Variants in TNIK observed in about 807,000 individuals in gnomAD.
The protein encoded by TNIK is TRAF2 and NCK-interacting protein kinase.
TNIK carries 49 observed loss-of-function variants against 191.3 expected under a neutral mutation model. The ratio of observed to expected loss-of-function variants is 0.26; its 90% CI spans 0.20 to 0.32. The LOEUF is 0.32. Among genes scored for constraint, TNIK ranks in the 10% least tolerant of loss-of-function variants. TNIK has a pLI of 1.00. For missense variants in TNIK, 1,155 were observed against 1,702.3 expected (o/e 0.68, Z 5.66); for synonymous variants, 594 against 600.9 (o/e 0.99, Z 0.17).
In TNIK at chr3:171,060,730, G is replaced by T. The variant is rs1273899476; in HGVS notation, c.*3151C>A. On this transcript the variant is annotated 3_prime_UTR_variant, in exon 33 of 33. Coordinates refer to ENST00000436636, the MANE Select transcript of TNIK (RefSeq NM_015028.4). ...CTCATTATTTGAAGGAACTTCACTG[G>T]TCATCCATTCCTACCACCACTGGAT... 6.6e-6 allele frequency among the ~76,000 whole-genome samples: 1 copy of T among 152,102 alleles called. No individual in the cohort carries two copies. The highest frequency in any genetic ancestry group is 1.5e-5 in the Non-Finnish European group (1 of 68,026).
intron 17 of TNIK, 59 bp from the exon 18 acceptor site, chr3:171,123,761 C>T: frequency 7.6e-7 from 1 of 1,310,422 alleles, no homozygotes; most frequent in Non-Finnish European, 1.0e-6. Context: ...AGCCTGTTGT[C>T]AGAAAATCCT....
chr3:171,459,915 C>T, intron 1 of TNIK, 92 bp downstream of exon 1: 2 of 1,280,384 alleles, frequency 1.6e-6, no homozygotes, highest in Admixed American at 4.1e-5. Flanking sequence ...CGCTGCTGTC[C>T]CCCTGCCCCA....
rs753757935 is a variant in TNIK, at chr3:171,167,213, T to C, written c.831A>G (p.Arg277=). ...GCTTCATCAATTGTTCTGTTGCTGG[T>C]CGCTGGCTGTGATTCTTTACCAAGC... The part of the protein sequence containing the change: ...ESCLVKNHSQ[R]PATEQLMKHP... Residue 277 remains arginine (R), a synonymous_variant, in exon 10 of 33, where the codon CGA becomes CGG. Transcript: ENST00000436636. The C allele has an allele frequency of 1.2e-6, 2 of 1,614,024 alleles. No individual in the cohort carries two copies. Among genetic ancestry groups the C allele is most frequent in the Middle Eastern group, 1.6e-4 (1 of 6,062 alleles).
At chr3:171,294,538 C>T (rs986200164) in intron 2 of TNIK, among the ~76,000 whole-genome samples, 9 of 151,994 alleles carry the variant, frequency 5.9e-5, no homozygotes, top group East Asian at 3.9e-4. Context: ...CTGGCCTACA[C>T]GGTGAAACCC....
At chr3:171,381,919 C>T (rs774094450) in intron 1 of TNIK, among the ~76,000 whole-genome samples, 3 of 152,118 alleles carry the variant, frequency 2.0e-5, no homozygotes, top group East Asian at 3.8e-4. Context: ...ATTGTTATAG[C>T]GGAACAATAA....
intron 2 of TNIK, among the ~76,000 whole-genome samples, chr3:171,334,073 G>A (rs1039454329): frequency 6.6e-6 from 1 of 152,168 alleles, no homozygotes; most frequent in East Asian, 1.9e-4. Flanking sequence ...TCTGACTGAG[G>A]GGTGGGAAGT....
At chr3:171,454,165 A>G (rs915955543) in intron 1 of TNIK, among the ~76,000 whole-genome samples, 2 of 152,202 alleles carry the variant, frequency 1.3e-5, no homozygotes, top group Admixed American at 1.3e-4. Flanking sequence ...GTTACTCCAG[A>G]TTCTATCAGG....
At chr3:171,239,183 T>C (rs1744657562) in intron 2 of TNIK, among the ~76,000 whole-genome samples, 1 of 152,250 alleles carries the variant, frequency 6.6e-6, no homozygotes, top group Non-Finnish European at 1.5e-5. Context: ...GGTTTACTTA[T>C]AGTTTTAAGT....
chr3:171,434,288 C>T (rs1316006848), intron 1 of TNIK, among the ~76,000 whole-genome samples: 1 of 151,984 alleles, frequency 6.6e-6, no homozygotes, highest in Non-Finnish European at 1.5e-5. Flanking sequence ...TCTTGGCTCA[C>T]AAAAATACTA....
intron 9 of TNIK, 57 bp from the exon 10 acceptor site, chr3:171,167,327 T>C: frequency 3.8e-6 from 6 of 1,579,934 alleles, no homozygotes; most frequent in Non-Finnish European, 8.6e-7. Flanking sequence ...GAAAAGCAAA[T>C]GTGTAATTTC....
chr3:171,081,443 C>T (rs1182290604), intron 27 of TNIK, among the ~76,000 whole-genome samples: 1 of 150,554 alleles, frequency 6.6e-6, no homozygotes, highest in East Asian at 1.9e-4. Context: ...TATGAACGCT[C>T]CTGATGCCTA....
chr3:171,149,967 A>C (rs1304471514), intron 12 of TNIK, among the ~76,000 whole-genome samples: 1 of 152,224 alleles, frequency 6.6e-6, no homozygotes, highest in Non-Finnish European at 1.5e-5. Context: ...TTAACACTCC[A>C]GGCTCTGAGA....
At chr3:171,390,925 T>A (rs1300857609) in intron 1 of TNIK, among the ~76,000 whole-genome samples, 1 of 152,194 alleles carries the variant, frequency 6.6e-6, no homozygotes, top group East Asian at 1.9e-4. Flanking sequence ...ACACTGATCA[T>A]CTGAAAGGAC....
intron 1 of TNIK, among the ~76,000 whole-genome samples, chr3:171,372,550 G>A (rs1716649326): frequency 1.3e-5 from 2 of 152,200 alleles, no homozygotes. Flanking sequence ...TGGAAGTGCT[G>A]GAGCTAGGAC....
intron 2 of TNIK, among the ~76,000 whole-genome samples, chr3:171,340,572 A>G (rs1757413578): frequency 6.6e-6 from 1 of 152,214 alleles, no homozygotes; most frequent in Non-Finnish European, 1.5e-5. Flanking sequence ...AGTGCCCTGC[A>G]TCGTGCCTTG....
At chr3:171,131,097 G>A (rs933096315) in intron 15 of TNIK, among the ~76,000 whole-genome samples, 1 of 152,012 alleles carries the variant, frequency 6.6e-6, no homozygotes, top group Non-Finnish European at 1.5e-5. Context: ...ACAGGGCATT[G>A]GGAGGCCGAG....
chr3:171,326,260 C>T (rs571777052), intron 2 of TNIK, among the ~76,000 whole-genome samples: 7 of 152,148 alleles, frequency 4.6e-5, no homozygotes, highest in Non-Finnish European at 1.0e-4. Flanking sequence ...TAGTGTATTT[C>T]TTTGGCTTTA....
chr3:171,201,298 C>G (rs1739374172), intron 4 of TNIK, among the ~76,000 whole-genome samples: 2 of 152,132 alleles, frequency 1.3e-5, no homozygotes, highest in Non-Finnish European at 2.9e-5. Flanking sequence ...ACTCGGGAGG[C>G]TGAGGCAGGA....
intron 1 of TNIK, among the ~76,000 whole-genome samples, chr3:171,431,617 C>G (rs761015337): frequency 6.6e-6 from 1 of 152,132 alleles, no homozygotes; most frequent in Admixed American, 6.6e-5. Flanking sequence ...AGTACAGTAA[C>G]TTACTTCTCC....
Sources: allele counts gnomAD v4.1 joint callset (sites outside exome capture counted in the v4.1 genomes callset), GRCh38; gene constraint gnomAD v4.1.1; transcripts MANE v1.5; gene names NCBI Gene and HGNC (gene_info 2026-07-23, HGNC 2026-07-21).